The following KCTD16 variants were observed in gnomAD, a reference collection of about 807,000 sequenced individuals.
KCTD16 encodes potassium channel tetramerization domain containing 16.
A neutral mutation model predicts 33.2 loss-of-function variants in KCTD16; 13 were observed. That is an observed-to-expected ratio of 0.39 (90% CI 0.25 to 0.62). The LOEUF (loss-of-function observed/expected upper bound fraction) is 0.62. Among genes scored for constraint, KCTD16 ranks in the 20% least tolerant of loss-of-function variants. KCTD16 has a pLI of 0.50. For synonymous variants in KCTD16, 197 were observed against 195.3 expected, an observed-to-expected ratio of 1.01 and a Z score of -0.07; for missense variants, 441 against 525.1, an observed-to-expected ratio of 0.84 and a Z score of 1.57.
intron 3 of KCTD16, among the ~76,000 whole-genome samples, chr5:144,308,908 T>G (rs1185304927): frequency 6.6e-6 from 1 of 151,968 alleles, no homozygotes; most frequent in Non-Finnish European, 1.5e-5. Context: ...GTGTTGAGCA[T>G]GGGGTCTCAT....
intron 2 of KCTD16, among the ~76,000 whole-genome samples, chr5:144,182,137 G>C (rs1752639162): frequency 6.6e-6 from 1 of 152,032 alleles, no homozygotes; most frequent in Admixed American, 6.6e-5. Context: ...CTCATGAAGG[G>C]ATTGATGCTG....
chr5:144,243,715 C>G (rs1158856675), intron 3 of KCTD16, among the ~76,000 whole-genome samples: 4 of 152,028 alleles, frequency 2.6e-5, no homozygotes, highest in Admixed American at 2.6e-4. Context: ...ACTTGAAGAA[C>G]TTCTGTCCCC....
chr5:144,473,723 A>G lies in KCTD16; in HGVS notation c.896A>G (p.Lys299Arg). 17 of 1,612,166 alleles carry G rather than the reference A, an allele frequency of 1.1e-5. No homozygotes were observed. Among genetic ancestry groups the G allele is most frequent in the Non-Finnish European group, 1.4e-5 (17 of 1,178,328 alleles). Residue 299 changes from lysine (K) to arginine (R), a missense_variant, in exon 4 of 4, where the codon AAA becomes AGA. Physicochemically the swap from Lys to Arg is conservative, Grantham distance 26 (BLOSUM62 2). Coordinates refer to ENST00000512467, the MANE Select transcript of KCTD16 (RefSeq NM_020768.4). Reference sequence around the variant, plus strand: ...TGCTGCAAGAATGGCAAAGGTGACAAAGAAGGGGAGAGCGGCACGTCTTGC... The same window carrying G: ...TGCTGCAAGAATGGCAAAGGTGACAGAGAAGGGGAGAGCGGCACGTCTTGC... ...DCCCKNGKGD[K>R]EGESGTSCND...
intron 3 of KCTD16, among the ~76,000 whole-genome samples, chr5:144,230,722 AC>A (rs1212387334): frequency 6.6e-6 from 1 of 152,222 alleles, no homozygotes; most frequent in Non-Finnish European, 1.5e-5. Context: ...TATATGGAAC[AC>A]TTTTATAATA....
intron 3 of KCTD16, among the ~76,000 whole-genome samples, chr5:144,235,469 A>G (rs1415234131): frequency 1.3e-5 from 2 of 152,174 alleles, no homozygotes; most frequent in East Asian, 1.9e-4. Context: ...TCTACCATGC[A>G]TTTCTTGCTT....
intron 3 of KCTD16, among the ~76,000 whole-genome samples, chr5:144,362,707 GGGTGTT>G (rs2126917672): frequency 6.6e-6 from 1 of 152,238 alleles, no homozygotes; most frequent in Non-Finnish European, 1.5e-5. Context: ...AGTTAGTTTA[GGGTGTT>G]GGTGGATGTG....
At chr5:144,335,795 A>G (rs572403945) in intron 3 of KCTD16, among the ~76,000 whole-genome samples, 1 of 152,286 alleles carries the variant, frequency 6.6e-6, no homozygotes, top group East Asian at 1.9e-4. Flanking sequence ...GGTGCGAGAT[A>G]GAGTTGGAGG....
At chr5:144,349,074 G>A (rs1409079371) in intron 3 of KCTD16, among the ~76,000 whole-genome samples, 1 of 152,114 alleles carries the variant, frequency 6.6e-6, no homozygotes, top group African/African-American at 2.4e-5. Context: ...ACAGGAAGAG[G>A]GTTTAGGATC....
intron 2 of KCTD16, among the ~76,000 whole-genome samples, chr5:144,197,735 T>C (rs1179759875): frequency 1.3e-5 from 2 of 152,222 alleles, no homozygotes; most frequent in African/African-American, 4.8e-5. Flanking sequence ...TTTGGTGTGA[T>C]CCGCTGCTGG....
At chr5:144,322,649 A>G (rs531758725) in intron 3 of KCTD16, among the ~76,000 whole-genome samples, 19 of 152,128 alleles carry the variant, frequency 1.2e-4, no homozygotes, top group Middle Eastern at 3.4e-3. Context: ...CCACTATGCA[A>G]TCAAGATATT....
At chr5:144,222,533 A>ACC (rs1753790999) in intron 3 of KCTD16, among the ~76,000 whole-genome samples, 1 of 152,234 alleles carries the variant, frequency 6.6e-6, no homozygotes, top group Admixed American at 6.5e-5. Flanking sequence ...CAACAGACAC[A>ACC]TGAAAAAATG....
rs78871991 is a variant in KCTD16, at chr5:144,416,468, G to A, written c.833-57192G>A. ...ATGAAGATTGAATGAGACACACCTC[G>A]GATAGTTCTTTGAAGAACTAAGATG... On this transcript the variant is annotated intron_variant, in intron 3 of 3. Coordinates refer to ENST00000512467, the MANE Select transcript of KCTD16 (RefSeq NM_020768.4). Among the ~76,000 whole-genome samples the A allele has an allele frequency of 5.2e-3, 793 of 152,210 alleles. 6 individuals carry two copies. The highest frequency in any genetic ancestry group is 0.018 in the African/African-American group (760 of 41,524).
At chr5:144,193,497 A>G (rs900457569) in intron 2 of KCTD16, among the ~76,000 whole-genome samples, 24 of 152,068 alleles carry the variant, frequency 1.6e-4, no homozygotes, top group African/African-American at 5.1e-4. Context: ...TGCAGTATCA[A>G]TCCTCTTCTC....
chr5:144,209,543 C>T (rs1372943978), intron 3 of KCTD16, among the ~76,000 whole-genome samples: 1 of 152,054 alleles, frequency 6.6e-6, no homozygotes, highest in Non-Finnish European at 1.5e-5. Context: ...AACTCTTCCT[C>T]TGTCTTAGGA....
In KCTD16 at chr5:144,480,747, A is replaced by G. The variant is rs746527014; in HGVS notation, c.*6633A>G. ...GGCCAGAGATGCTGCTAAAGATCCT[A>G]CAGTGTACTGGAAAGCCCTCCATAA... On this transcript the variant is annotated 3_prime_UTR_variant, in exon 4 of 4. Coordinates refer to ENST00000512467, the MANE Select transcript of KCTD16 (RefSeq NM_020768.4). The G allele has an allele frequency of 2.0e-5, 3 of 151,948 alleles. No individual in the cohort carries two copies. The highest frequency in any genetic ancestry group is 2.9e-5 in the Non-Finnish European group (2 of 67,936). 9.4% of individuals were successfully genotyped at this position (151,948 alleles called of 1,614,324 possible).
At chr5:144,397,589 G>A (rs1752603637) in intron 3 of KCTD16, among the ~76,000 whole-genome samples, 1 of 152,150 alleles carries the variant, frequency 6.6e-6, no homozygotes, top group Admixed American at 6.6e-5. Context: ...TCCAGCACCT[G>A]TTGTTTCCTG....
intron 3 of KCTD16, among the ~76,000 whole-genome samples, chr5:144,241,230 A>G (rs10052481): frequency 0.036 from 5,444 of 152,224 alleles, 323 homozygotes; most frequent in African/African-American, 0.12. Context: ...TGAGTAAAAA[A>G]CACTCCAAGT....
chr5:144,235,892 T>A (rs1754238172), intron 3 of KCTD16, among the ~76,000 whole-genome samples: 1 of 152,070 alleles, frequency 6.6e-6, no homozygotes, highest in South Asian at 2.1e-4. Context: ...TCTCATTTCT[T>A]CTCTATTCTC....
chr5:144,307,781 C>T (rs1335405620), intron 3 of KCTD16, among the ~76,000 whole-genome samples: 1 of 152,210 alleles, frequency 6.6e-6, no homozygotes, highest in African/African-American at 2.4e-5. Flanking sequence ...ACTGTTGTTG[C>T]TGCTGCTGCC....
Sources: allele counts gnomAD v4.1 joint callset (sites outside exome capture counted in the v4.1 genomes callset), GRCh38; gene constraint gnomAD v4.1.1; transcripts MANE v1.5; gene names NCBI Gene and HGNC (gene_info 2026-07-23, HGNC 2026-07-21).